Variants in ST13 observed in about 807,000 individuals in gnomAD.
ST13 encodes ST13 Hsp70 interacting protein.
In ST13, 23 loss-of-function variants were observed where a neutral mutation model predicts 56.7. The observed-to-expected ratio is 0.41, with a 90% CI of 0.29 to 0.57. The LOEUF (loss-of-function observed/expected upper bound fraction) is 0.57. Among genes scored for constraint, ST13 ranks in the 20% least tolerant of loss-of-function variants. The probability of loss-of-function intolerance (pLI) is 0.36; values close to 1 mark genes in which losing one functional copy is unlikely to be tolerated. For missense variants in ST13, 369 were observed against 459.9 expected (o/e 0.80, Z 1.81); for synonymous variants, 132 against 142.4 (o/e 0.93, Z 0.52).
Position 40,827,197 on chromosome 22 carries a change from G to T in ST13, c.880C>A (p.Pro294Thr). The T allele has an allele frequency of 6.2e-7, 1 of 1,613,390 alleles. No homozygotes were observed. The highest frequency in any genetic ancestry group is 8.5e-7 in the Non-Finnish European group (1 of 1,179,964). The stretch of plus-strand genomic sequence containing the variant: ...CCTCCCATTCCAGGCATTCCTCCGG[G>T]AAAATTACCAGGCATTCCCCCAGGA... Reference protein sequence around the residue: ...GFPGGMPGNFPGGMPGMGGGM... With the variant: ...GFPGGMPGNFTGGMPGMGGGM... Residue 294 changes from proline (P) to threonine (T), a missense_variant, in exon 11 of 12, where the codon CCC (proline) becomes ACC (threonine). Coordinates refer to ENST00000216218, the MANE Select transcript of ST13 (RefSeq NM_003932.5).
At chr22:40,828,508 G>T (rs914827587) in intron 10 of ST13, among the ~76,000 whole-genome samples, 6 of 151,884 alleles carry the variant, frequency 4.0e-5, no homozygotes, top group African/African-American at 4.8e-5. Flanking sequence ...AGCTACTCGG[G>T]AGGCTGAGGC....
Position 40,826,493 on chromosome 22 carries a change from T to G in ST13, c.*45A>C. On this transcript the variant is annotated 3_prime_UTR_variant, in exon 12 of 12. Coordinates refer to ENST00000216218, the MANE Select transcript of ST13 (RefSeq NM_003932.5). ...TTATTGCGACATCCATAAGGTGATC[T>G]AGGTTGCTTTTCCTTCAGCAAGGGC... The G allele has an allele frequency of 6.3e-7, 1 of 1,590,486 alleles. No homozygotes were observed. Among genetic ancestry groups the G allele is most frequent in the Non-Finnish European group, 8.5e-7 (1 of 1,175,216 alleles).
At chr22:40,852,076 C>T (rs5758107) in intron 1 of ST13, among the ~76,000 whole-genome samples, 18,801 of 152,214 alleles carry the variant, frequency 0.12, 2,107 homozygotes, top group African/African-American at 0.3. Flanking sequence ...CATATCCACA[C>T]TTACATTCAT....
intron 5 of ST13, among the ~76,000 whole-genome samples, chr22:40,838,611 A>G (rs2057788268): frequency 6.6e-6 from 1 of 152,104 alleles, no homozygotes; most frequent in South Asian, 2.1e-4. Context: ...AAAAAAAAAA[A>G]AAGAGATAAT....
intron 2 of ST13, among the ~76,000 whole-genome samples, chr22:40,848,645 A>G (rs1349868444): frequency 1.3e-5 from 2 of 152,156 alleles, no homozygotes; most frequent in Non-Finnish European, 2.9e-5. Context: ...TGGGAGGCTG[A>G]GGCAGGACAA....
chr22:40,844,653 G>C (rs920335952), intron 4 of ST13, among the ~76,000 whole-genome samples, 186 bp downstream of exon 4: 1 of 152,202 alleles, frequency 6.6e-6, no homozygotes, highest in African/African-American at 2.4e-5. Context: ...AGATAAAACA[G>C]AAAGTAACAG....
chr22:40,852,877 T>C (rs916161987), intron 1 of ST13, among the ~76,000 whole-genome samples: 1 of 152,212 alleles, frequency 6.6e-6, no homozygotes, highest in African/African-American at 2.4e-5. Context: ...CACTGTGTTC[T>C]TCCTAAGTTT....
intron 2 of ST13, among the ~76,000 whole-genome samples, chr22:40,848,643 T>C (rs1433238453): frequency 6.6e-6 from 1 of 152,090 alleles, no homozygotes; most frequent in Admixed American, 6.5e-5. Flanking sequence ...CTTGGGAGGC[T>C]GAGGCAGGAC....
chr22:40,844,843 G>C lies in ST13; in HGVS notation c.311C>G (p.Ala104Gly). The change falls in exon 4 of 12, where the codon GCG becomes GGG. Residue 104 changes from alanine (A) to glycine (G), a missense_variant. This residue lies in a region of ST13 where 169 missense variants were observed against 175.6 expected (regional missense o/e 0.96). Transcript: ENST00000216218. ...DAPQEMGDEN[A>G]EITEEMMDQA... Reference sequence around the variant, plus strand: ...AAATCAAGTCACCGAACTTACCTCCGCATTTTCATCTCCCATTTCTTGAGG... The same window carrying C: ...AAATCAAGTCACCGAACTTACCTCCCCATTTTCATCTCCCATTTCTTGAGG... The C allele has an allele frequency of 6.2e-7, 1 of 1,612,544 alleles. No homozygotes were observed.
intron 4 of ST13, 109 bp downstream of exon 4, chr22:40,844,729 GA>G (rs1223622054): frequency 5.7e-6 from 5 of 878,758 alleles, no homozygotes; most frequent in Non-Finnish European, 7.1e-6. Context: ...TGAAGTCAGA[GA>G]AAGATTTACT....
At chr22:40,831,218 A>G (rs2057752342) in intron 8 of ST13, among the ~76,000 whole-genome samples, 1 of 152,228 alleles carries the variant, frequency 6.6e-6, no homozygotes, top group South Asian at 2.1e-4. Flanking sequence ...AAAGATTAAC[A>G]AACAGGTTTC....
At position 40,856,456 on chromosome 22, in the gene ST13, G is replaced by T; in HGVS notation, c.85C>A (p.Arg29Ser). 1.2e-6 allele frequency: 2 copies of T among 1,613,490 alleles called. No homozygotes were observed. The highest frequency in any genetic ancestry group is 1.7e-4 in the Middle Eastern group (1 of 5,966). ...CTCTCCACCCACTCCCTCAGGAAGC[G>T]CATTTCCTCGGTGTGCAGAACGCTC... is the stretch of plus-strand genomic sequence containing the variant. ...DPSVLHTEEMRFLREWVESMG... is the reference protein window; with the variant it reads ...DPSVLHTEEMSFLREWVESMG... The change falls in exon 1 of 12, where the codon CGC (arginine) becomes AGC (serine). Residue 29 changes from arginine to serine, a missense_variant. Around this residue, in one of 3 missense-constraint regions of ST13, gnomAD observed 169 missense variants for 175.6 expected, o/e 0.96. Coordinates refer to ENST00000216218, the MANE Select transcript of ST13 (RefSeq NM_003932.5).
At position 40,855,224 on chromosome 22, in the gene ST13, G is replaced by C. The variant is rs533953054; in HGVS notation, c.110+1207C>G. 5.9e-5 allele frequency among the ~76,000 whole-genome samples: 9 copies of C among 152,278 alleles called. No individual in the cohort carries two copies. In the South Asian group the frequency reaches 1.9e-3, roughly 32 times the overall value. ...TAATACCACCACTTTGGGAGGCGGG[G>C]GAGTCCCTTGAGGCCAGGAGTTCAA... On this transcript the variant is annotated intron_variant, in intron 1 of 11. Coordinates refer to ENST00000216218, the MANE Select transcript of ST13 (RefSeq NM_003932.5).
chr22:40,831,384 A>G (rs1260604156), intron 8 of ST13, among the ~76,000 whole-genome samples: 2 of 152,190 alleles, frequency 1.3e-5, no homozygotes, highest in Non-Finnish European at 2.9e-5. Context: ...ATGCCACAGT[A>G]TATTTAAGTT....
At chr22:40,855,914 CCTACGCAG>C (rs945141986) in intron 1 of ST13, among the ~76,000 whole-genome samples, 96 of 149,222 alleles carry the variant, frequency 6.4e-4, no homozygotes, top group Middle Eastern at 6.8e-3. Context: ...GATAATTAAT[CCTACGCAG>C]CTACAAACGC....
At chr22:40,836,393 C>T (rs916684274) in intron 5 of ST13, among the ~76,000 whole-genome samples, 26 of 152,076 alleles carry the variant, frequency 1.7e-4, no homozygotes, top group African/African-American at 5.1e-4. Context: ...TCCAGTGAGG[C>T]GAGATCACCA....
At chr22:40,832,546 T>C (rs1025964914) in intron 8 of ST13, 23 bp downstream of exon 8, 1 of 1,564,154 alleles carries the variant, frequency 6.4e-7, no homozygotes, top group Non-Finnish European at 8.8e-7. Flanking sequence ...CTAATGACTT[T>C]CCCTTTCTCT....
In ST13 at chr22:40,856,296, G is replaced by T; in HGVS notation, c.110+135C>A. The T allele has an allele frequency of 5.4e-6, 4 of 741,450 alleles. No homozygotes were observed. In the South Asian group the frequency reaches 6.4e-5, roughly 12 times the overall value. The allele number at this position is 741,450 out of a possible 1,614,324, so 45.9% of individuals were successfully genotyped here. A position where few individuals can be genotyped will look rare whatever the true frequency, so the allele number is the denominator to read the frequency against. On this transcript the variant is annotated intron_variant, in intron 1 of 11. Coordinates refer to ENST00000216218, the MANE Select transcript of ST13 (RefSeq NM_003932.5). ...GGCTCGCGATCTTCCATGACCCCTC[G>T]AAGTTGCCTCCCTTTCCCGGGCAAA... is the stretch of plus-strand genomic sequence containing the variant.
intron 5 of ST13, among the ~76,000 whole-genome samples, chr22:40,836,311 C>G (rs547258207): frequency 6.6e-6 from 1 of 152,124 alleles, no homozygotes; most frequent in African/African-American, 2.4e-5. Context: ...ATTAGCTGGG[C>G]GTGGGGGCGG....
Sources: gnomAD v4.1 joint callset for allele counts (sites outside exome capture counted in the v4.1 genomes callset) on GRCh38, gnomAD v4.1.1 for gene constraint, gnomAD v4.1.1 regional missense constraint, MANE v1.5 for transcripts, NCBI Gene and HGNC (gene_info 2026-07-23, HGNC 2026-07-21) for gene names.